Variants in GHR observed in about 807,000 individuals in gnomAD.
GHR encodes growth hormone receptor, also known as GH receptor.
In GHR, 35 loss-of-function variants were observed where a neutral mutation model predicts 67.1. The ratio of observed to expected loss-of-function variants is 0.52; its 90% CI spans 0.40 to 0.69. GHR has a LOEUF of 0.69. Ranked by LOEUF, GHR falls within the 30% of genes least tolerant of loss-of-function variation. GHR has a pLI of 0.00. For synonymous variants in GHR, 272 were observed against 269.1 expected (o/e 1.01, Z -0.10); for missense variants, 792 against 764.6 (o/e 1.04, Z -0.42).
intron 1 of GHR, among the ~76,000 whole-genome samples, chr5:42,478,770 TGAG>T (rs1231403974): frequency 6.6e-6 from 1 of 152,202 alleles, no homozygotes; most frequent in Admixed American, 6.5e-5. Context: ...CTTATCAGCT[TGAG>T]GAGATTTTGG....
At chr5:42,702,909 G>T (rs1263639161) in intron 6 of GHR, among the ~76,000 whole-genome samples, 1 of 151,714 alleles carries the variant, frequency 6.6e-6, no homozygotes, top group Non-Finnish European at 1.5e-5. Context: ...TTTTAATTGG[G>T]TTATTTTCTT....
rs1308288957 is a variant in GHR at position 42,423,805 on chromosome 5, C to CT, written c.-161dup. 6.1e-6 allele frequency: 1 copy of CT among 164,362 alleles called. No individual in the cohort carries two copies. The highest frequency in any genetic ancestry group is 1.3e-5 in the Non-Finnish European group (1 of 78,080). 10.2% of individuals were successfully genotyped at this position (164,362 alleles called of 1,614,324 possible). On this transcript the variant is annotated 5_prime_UTR_variant, in exon 1 of 10. It removes the in-frame stop codon of an upstream open reading frame in the 5' UTR. Coordinates refer to ENST00000230882, the MANE Select transcript of GHR (RefSeq NM_000163.5). ...GCGGCGGCGGCAGCGGCAGCAGCAG[C>CT]TGCTACAGTGGCGGTGGCGGCGGCG...
At chr5:42,664,353 G>C (rs1204327572) in intron 3 of GHR, among the ~76,000 whole-genome samples, 1 of 152,088 alleles carries the variant, frequency 6.6e-6, no homozygotes, top group Admixed American at 6.6e-5. Flanking sequence ...ATACTACAAG[G>C]CTACAGTAAC....
intron 1 of GHR, among the ~76,000 whole-genome samples, chr5:42,473,886 A>G (rs569658508): frequency 2.7e-4 from 40 of 150,512 alleles, no homozygotes; most frequent in Admixed American, 6.0e-4. Context: ...AAAAAAAAAA[A>G]AAAAGAAAAG....
chr5:42,467,273 T>A, intron 1 of GHR: 1 of 1,255,760 alleles, frequency 8.0e-7, no homozygotes, highest in Non-Finnish European at 1.2e-6. Flanking sequence ...GAAAAACAAC[T>A]AAAGGTTTTC....
chr5:42,529,826 A>T (rs749753801), intron 1 of GHR, among the ~76,000 whole-genome samples: 6 of 152,010 alleles, frequency 3.9e-5, no homozygotes, highest in Non-Finnish European at 5.9e-5. Context: ...TTAGCATTCC[A>T]TTATTACCTA....
chr5:42,647,340 C>T (rs558306674), intron 3 of GHR, among the ~76,000 whole-genome samples: 4 of 151,952 alleles, frequency 2.6e-5, no homozygotes, highest in Admixed American at 2.0e-4. Context: ...TTTGGGAGGC[C>T]GAGGCGGGTG....
chr5:42,449,842 A>G (rs139770791), intron 1 of GHR, among the ~76,000 whole-genome samples: 2 of 152,306 alleles, frequency 1.3e-5, no homozygotes, highest in African/African-American at 2.4e-5. Context: ...TCATAAAAGT[A>G]TGCTGGATTT....
chr5:42,566,148 T>A (rs1192335608), intron 2 of GHR, among the ~76,000 whole-genome samples: 1 of 152,246 alleles, frequency 6.6e-6, no homozygotes, highest in African/African-American at 2.4e-5. Context: ...TCAGTCAACT[T>A]TGGCATCTGA....
At chr5:42,650,241 G>A (rs1435686359) in intron 3 of GHR, among the ~76,000 whole-genome samples, 1 of 152,106 alleles carries the variant, frequency 6.6e-6, no homozygotes, top group African/African-American at 2.4e-5. Context: ...TTACTGAATA[G>A]TATTACAGAA....
chr5:42,594,461 G>T (rs1346938756), intron 2 of GHR, among the ~76,000 whole-genome samples: 1 of 152,014 alleles, frequency 6.6e-6, no homozygotes, highest in African/African-American at 2.4e-5. Flanking sequence ...TTTTCTTCAT[G>T]CTTTCCTTGC....
intron 1 of GHR, among the ~76,000 whole-genome samples, chr5:42,448,097 C>T (rs906677977): frequency 4.6e-5 from 7 of 152,064 alleles, no homozygotes; most frequent in African/African-American, 7.2e-5. Flanking sequence ...TCTTTTCCTT[C>T]GAGTAGATAC....
intron 1 of GHR, among the ~76,000 whole-genome samples, chr5:42,524,407 T>C (rs1285520618): frequency 6.6e-6 from 1 of 152,098 alleles, no homozygotes; most frequent in Non-Finnish European, 1.5e-5. Flanking sequence ...AAGTGAGAGA[T>C]GATTTAGGGT....
intron 1 of GHR, among the ~76,000 whole-genome samples, chr5:42,425,280 G>T (rs1742804159): frequency 6.6e-6 from 1 of 152,058 alleles, no homozygotes; most frequent in South Asian, 2.1e-4. Flanking sequence ...AATTTTCAGG[G>T]TGCTGCTGTC....
chr5:42,444,860 T>C (rs937245749), intron 1 of GHR, among the ~76,000 whole-genome samples: 6 of 152,168 alleles, frequency 3.9e-5, no homozygotes, highest in African/African-American at 1.4e-4. Context: ...TACAAATTCC[T>C]CTTTCCTCTA....
At chr5:42,507,799 AC>A (rs1406114284) in intron 1 of GHR, among the ~76,000 whole-genome samples, 3 of 152,182 alleles carry the variant, frequency 2.0e-5, no homozygotes, top group Non-Finnish European at 4.4e-5. Context: ...TTCTGGAGAG[AC>A]ATAGGCTAGG....
intron 1 of GHR, among the ~76,000 whole-genome samples, chr5:42,553,884 A>G (rs1024072481): frequency 6.6e-6 from 1 of 152,194 alleles, no homozygotes; most frequent in Admixed American, 6.5e-5. Context: ...ATATTTCAGT[A>G]TTAAAATTAC....
At chr5:42,713,636 C>G in intron 8 of GHR, 117 bp downstream of exon 8, 1 of 700,192 alleles carries the variant, frequency 1.4e-6, no homozygotes, top group East Asian at 2.6e-5. Flanking sequence ...TTTTAGTTAA[C>G]CTAGTACACT....
chr5:42,647,588 AAAG>A, intron 3 of GHR: 1 of 413,248 alleles, frequency 2.4e-6, no homozygotes, highest in South Asian at 1.8e-5. Context: ...AAAAAAAAAA[AAAG>A]TCAAGGGCCA....
Sources: gnomAD v4.1 joint callset for allele counts (sites outside exome capture counted in the v4.1 genomes callset) on GRCh38, gnomAD v4.1.1 for gene constraint, MANE v1.5 for transcripts, NCBI Gene and HGNC (gene_info 2026-07-23, HGNC 2026-07-21) for gene names.